ANGPT2: variants seen among roughly 807,000 people sequenced by gnomAD.
The protein encoded by ANGPT2 is angiopoietin-2.
Under a neutral mutation model 62.9 loss-of-function variants are expected in ANGPT2, and 28 were observed. That is an observed-to-expected ratio of 0.44 (90% CI 0.33 to 0.61). The LOEUF (loss-of-function observed/expected upper bound fraction) is 0.61. Ranked by LOEUF, ANGPT2 falls within the 20% of genes least tolerant of loss-of-function variation. ANGPT2 has a pLI of 0.03. For missense variants in ANGPT2, 727 were observed against 594.9 expected, an observed-to-expected ratio of 1.22 and a Z score of -2.31; for synonymous variants, 284 against 207.8, an observed-to-expected ratio of 1.37 and a Z score of -3.15.
At chr8:6,513,527 G>A (rs112058028) in intron 7 of ANGPT2, 151 bp downstream of exon 7, 33,410 of 530,344 alleles carry the variant, frequency 0.063, 1,953 homozygotes, top group African/African-American at 0.21. Context: ...TAGAGACAGG[G>A]TTTCACTTTG....
At chr8:6,535,000 A>T (rs1820234177) in intron 1 of ANGPT2, among the ~76,000 whole-genome samples, 1 of 152,210 alleles carries the variant, frequency 6.6e-6, no homozygotes, top group African/African-American at 2.4e-5. Context: ...CACCCCAGCC[A>T]AGATAATATT....
At chr8:6,530,785 A>G (rs734704) in intron 2 of ANGPT2, among the ~76,000 whole-genome samples, 102,434 of 151,902 alleles carry the variant, frequency 0.67, 34,898 homozygotes, top group Non-Finnish European at 0.72. Context: ...CTATCATTTC[A>G]CTACTGTTTT....
intron 3 of ANGPT2, among the ~76,000 whole-genome samples, chr8:6,526,454 G>A (rs1348009887): frequency 6.6e-6 from 1 of 151,446 alleles, no homozygotes; most frequent in Admixed American, 6.6e-5. Flanking sequence ...ACACAGAAAA[G>A]AAAATGAAAT....
chr8:6,510,158 CT>C (rs11395431), intron 7 of ANGPT2, among the ~76,000 whole-genome samples: 138 of 146,452 alleles, frequency 9.4e-4, no homozygotes, highest in Admixed American at 8.9e-4. Context: ...GTTGTTTTTT[CT>C]TTTTTTTTTT....
intron 3 of ANGPT2, among the ~76,000 whole-genome samples, chr8:6,526,934 A>G (rs1244023147): frequency 1.3e-5 from 2 of 152,168 alleles, no homozygotes; most frequent in Non-Finnish European, 2.9e-5. Flanking sequence ...TTAAATATTA[A>G]TATAATCATG....
chr8:6,536,599 T>A (rs1269198974), intron 1 of ANGPT2, among the ~76,000 whole-genome samples: 1 of 152,186 alleles, frequency 6.6e-6, no homozygotes, highest in African/African-American at 2.4e-5. Flanking sequence ...AATCTGTGTT[T>A]TCTTCCAAAG....
chr8:6,555,283 A>G lies in ANGPT2; in HGVS notation c.288+7364T>C, dbSNP rs550413401. On this transcript the variant is annotated intron_variant, in intron 1 of 8. Transcript: ENST00000629816. The stretch of plus-strand genomic sequence containing the variant: ...TCTAATAGTGGGAAGAGAAGGCCAC[A>G]TGGAACTTCCCTGAGGCTGAATTTC... Among the ~76,000 whole-genome samples, 46 of 152,320 alleles carry G rather than the reference A, an allele frequency of 3.0e-4. 1 individual carries two copies. The highest frequency in any genetic ancestry group is 1.1e-3 in the African/African-American group (45 of 41,574).
Position 6,499,683 on chromosome 8 carries a change from A to T in ANGPT2, c.*3418T>A. 3.3e-6 allele frequency: 2 copies of T among 605,912 alleles called. No individual in the cohort carries two copies. The highest frequency in any genetic ancestry group is 5.9e-6 in the Non-Finnish European group (2 of 340,026). 37.5% of individuals were successfully genotyped at this position (605,912 alleles called of 1,614,324 possible). ...CAATCAACTTTTTATTAATATTCAT[A>T]ACATTTATGCAACATGAAGATTCTG... On this transcript the variant is annotated 3_prime_UTR_variant, in exon 9 of 9. Coordinates refer to ENST00000629816, the MANE Select transcript of ANGPT2 (RefSeq NM_001118887.2).
rs61733315 is a variant in ANGPT2 at position 6,509,032 on chromosome 8, G to T, written c.1227C>A (p.Ala409=). The T allele has an allele frequency of 1.9e-6, 3 of 1,613,888 alleles. No homozygotes were observed. The highest frequency in any genetic ancestry group is 2.5e-6 in the Non-Finnish European group (3 of 1,180,018). Residue 409 remains alanine (A), a synonymous_variant, in exon 8 of 9, where the codon GCC becomes GCA. Coordinates refer to ENST00000629816, the MANE Select transcript of ANGPT2 (RefSeq NM_001118887.2). ...RIHLKGLTGT[A]GKISSISQPG... Reference sequence around the variant, plus strand: ...GTTGGCTGATGCTGCTTATTTTGCCGGCTGTCCCTGTAAGTCCTTTAAGGT... The same window carrying T: ...GTTGGCTGATGCTGCTTATTTTGCCTGCTGTCCCTGTAAGTCCTTTAAGGT...
chr8:6,525,520 G>GT (rs1818175977), intron 3 of ANGPT2, among the ~76,000 whole-genome samples: 1 of 152,222 alleles, frequency 6.6e-6, no homozygotes, highest in South Asian at 2.1e-4. Context: ...ATGAGCCACT[G>GT]TGCCTGGCTT....
At chr8:6,523,922 A>T (rs1193777677) in intron 3 of ANGPT2, among the ~76,000 whole-genome samples, 3 of 150,894 alleles carry the variant, frequency 2.0e-5, no homozygotes, top group Admixed American at 6.6e-5. Context: ...ATACAAGAGG[A>T]AAATTGGATA....
chr8:6,524,342 AT>A (rs1345889044), intron 3 of ANGPT2, among the ~76,000 whole-genome samples: 1 of 152,214 alleles, frequency 6.6e-6, no homozygotes, highest in African/African-American at 2.4e-5. Flanking sequence ...CTGGTGAAAT[AT>A]TCTATACATT....
chr8:6,508,911 A>G (rs753747916), intron 8 of ANGPT2, 21 bp downstream of exon 8: 2 of 1,614,020 alleles, frequency 1.2e-6, no homozygotes, highest in Non-Finnish European at 1.7e-6. Flanking sequence ...TACAAATAGG[A>G]AGACAGAAAG....
intron 1 of ANGPT2, among the ~76,000 whole-genome samples, chr8:6,542,329 T>C (rs1224662894): frequency 6.6e-6 from 1 of 151,988 alleles, no homozygotes; most frequent in Non-Finnish European, 1.5e-5. Flanking sequence ...TGTGTGTGTA[T>C]GTATGTGTGT....
In ANGPT2 at chr8:6,521,235, G is replaced by T; in HGVS notation, c.742C>A (p.Gln248Lys). 3.1e-6 allele frequency: 5 copies of T among 1,613,906 alleles called. No homozygotes were observed. The highest frequency in any genetic ancestry group is 4.2e-6 in the Non-Finnish European group (5 of 1,179,940). The change falls in exon 4 of 9, where the codon CAA (glutamine) becomes AAA (lysine). Residue 248 changes from glutamine to lysine, a missense_variant. Coordinates refer to ENST00000629816, the MANE Select transcript of ANGPT2 (RefSeq NM_001118887.2). The stretch of plus-strand genomic sequence containing the variant: ...TTAACTGTCTCCATGAGATCATGTT[G>T]CTGCTTCTGAAGAACTGAATTATTC... ...TVNNSVLQKQ[Q>K]HDLMETVNNL...
intron 8 of ANGPT2, among the ~76,000 whole-genome samples, chr8:6,505,235 A>ACC (rs1813097249): frequency 2.0e-4 from 1 of 5,046 alleles, no homozygotes; most frequent in African/African-American, 5.2e-4. Context: ...TTATGTATAT[A>ACC]TAGAATATAT....
In ANGPT2 at chr8:6,513,831, G is replaced by C; in HGVS notation, c.1043C>G (p.Pro348Arg). 6.2e-7 allele frequency: 1 copy of C among 1,606,710 alleles called. No individual in the cohort carries two copies. The highest frequency in any genetic ancestry group is 8.5e-7 in the Non-Finnish European group (1 of 1,178,002). The change falls in exon 7 of 9, where the codon CCT becomes CGT. Residue 348 changes from proline (P) to arginine (R), a missense_variant. By Grantham distance (103) the Pro-to-Arg change is moderately radical (BLOSUM62 -2). Coordinates refer to ENST00000629816, the MANE Select transcript of ANGPT2 (RefSeq NM_001118887.2). ...WKEYKVGFGNPSGEYWLGNEF... is the reference protein window; with the variant it reads ...WKEYKVGFGNRSGEYWLGNEF... The stretch of plus-strand genomic sequence containing the variant: ...ATTTCCCAGCCAATATTCTCCTGAA[G>C]GGTTACCAAATCCCTGTAATGCAAG...
intron 1 of ANGPT2, among the ~76,000 whole-genome samples, chr8:6,543,595 GT>G (rs1192061053): frequency 6.6e-6 from 1 of 152,172 alleles, no homozygotes; most frequent in Non-Finnish European, 1.5e-5. Context: ...GAAAAGAAAT[GT>G]GTTCTTTCCT....
chr8:6,532,244 T>C (rs1257601381), intron 2 of ANGPT2, 88 bp downstream of exon 2: 9 of 1,490,622 alleles, frequency 6.0e-6, no homozygotes, highest in Non-Finnish European at 8.3e-6. Context: ...CTTTAGTTTC[T>C]CATGCCTTCA....
Sources: allele counts gnomAD v4.1 joint callset (sites outside exome capture counted in the v4.1 genomes callset), GRCh38; gene constraint gnomAD v4.1.1; transcripts MANE v1.5; gene names NCBI Gene and HGNC (gene_info 2026-07-23, HGNC 2026-07-21).